Variants in KIF13B observed in about 807,000 individuals in gnomAD.
The protein encoded by KIF13B is kinesin-like protein KIF13B.
KIF13B carries 127 observed loss-of-function variants against 222.0 expected under a neutral mutation model. That is an observed-to-expected ratio of 0.57 (90% CI 0.50 to 0.66). The LOEUF is 0.66. KIF13B is among the 30% of genes least tolerant of loss of function. The pLI is 0.00. For synonymous variants in KIF13B, 976 were observed against 919.0 expected, an observed-to-expected ratio of 1.06 and a Z score of -1.12; for missense variants, 2,173 against 2,379.0, an observed-to-expected ratio of 0.91 and a Z score of 1.80.
At chr8:29,237,993 A>G (rs1209999628) in intron 2 of KIF13B, among the ~76,000 whole-genome samples, 4 of 152,226 alleles carry the variant, frequency 2.6e-5, no homozygotes, top group Non-Finnish European at 4.4e-5. Flanking sequence ...GAGCCCCATT[A>G]TGAAATTAAA....
chr8:29,152,608 A>C lies in KIF13B; in HGVS notation c.1536-2225T>G, dbSNP rs139883861. 3.3e-3 allele frequency among the ~76,000 whole-genome samples: 370 copies of C among 112,266 alleles called. 6 individuals carry two copies. The East Asian group carries it at 0.044, about 13-fold the overall frequency. The allele number at this position is 112,266 out of a possible 152,430, so 73.7% of individuals were successfully genotyped here. On this transcript the variant is annotated intron_variant, in intron 14 of 39. Coordinates refer to ENST00000524189, the MANE Select transcript of KIF13B (RefSeq NM_015254.4). ...GTGATTTTTTAGCAACAGAGTTTTA[A>C]TTAAAAAAAAATTTTTTTTGAGACA...
chr8:29,195,978 G>GT (rs1813401636), intron 3 of KIF13B, among the ~76,000 whole-genome samples: 1 of 152,244 alleles, frequency 6.6e-6, no homozygotes, highest in Non-Finnish European at 1.5e-5. Flanking sequence ...CCAGCCAGAA[G>GT]TGGTCAAAGT....
At chr8:29,126,821 G>T (rs770321173) in intron 25 of KIF13B, among the ~76,000 whole-genome samples, 1 of 152,182 alleles carries the variant, frequency 6.6e-6, no homozygotes, top group African/African-American at 2.4e-5. Flanking sequence ...TTACAAGCCA[G>T]TAGGGGGTTT....
chr8:29,203,631 G>A (rs920047249), intron 2 of KIF13B, among the ~76,000 whole-genome samples: 10 of 152,086 alleles, frequency 6.6e-5, no homozygotes, highest in African/African-American at 9.7e-5. Flanking sequence ...GGTGGCTCAC[G>A]CCTGTAATCC....
Position 29,245,424 on chromosome 8 carries a change from G to A in KIF13B, c.71C>T (p.Thr24Ile). 6.3e-7 allele frequency: 1 copy of A among 1,597,832 alleles called. No individual in the cohort carries two copies. ...PMNRRETDLH[T>I]KCVVDVDANK... ...TGCATCCACATCCACCACACATTTG[G>A]TATGCAAGTCAGTCTCTGTGGATAA... is the stretch of plus-strand genomic sequence containing the variant. Residue 24 changes from threonine to isoleucine, a missense_variant, in exon 2 of 40, where the codon ACC becomes ATC. This residue lies in a region of KIF13B where 1,480 missense variants were observed against 1,722.8 expected (regional missense o/e 0.86). Transcript: ENST00000524189.
rs367772924 is a variant in KIF13B at position 29,072,192 on chromosome 8, G to A, written c.4646C>T (p.Pro1549Leu). 4.7e-5 allele frequency: 68 copies of A among 1,446,798 alleles called. No individual in the cohort carries two copies. Among genetic ancestry groups the A allele is most frequent in the Non-Finnish European group, 5.5e-5 (61 of 1,101,120 alleles). The allele number at this position is 1,446,798 out of a possible 1,614,324, so 89.6% of individuals were successfully genotyped here. The change falls in exon 39 of 40, where the codon CCG becomes CTG. Residue 1549 changes from proline (P) to leucine (L), a missense_variant. By Grantham distance (98) the Pro-to-Leu change is moderately conservative. Transcript: ENST00000524189. ...GGGCCCGTCCTGTGCCTCCGGAGCCGGGGTGACCGCTGTGACAGCTATGAC... is the reference window on the plus strand; with the variant it reads ...GGGCCCGTCCTGTGCCTCCGGAGCCAGGGTGACCGCTGTGACAGCTATGAC... ...PPVIAVTAVT[P>L]APEAQDGPPS...
intron 2 of KIF13B, among the ~76,000 whole-genome samples, chr8:29,223,882 G>A (rs200959389): frequency 2.7e-5 from 4 of 149,558 alleles, no homozygotes; most frequent in East Asian, 2.0e-4. Flanking sequence ...TAGTAGAGAC[G>A]GGGTTTCACT....
In KIF13B at chr8:29,155,854, T is replaced by G; in HGVS notation, c.1407A>C (p.Glu469Asp). 1 of 1,570,382 alleles carries G rather than the reference T, an allele frequency of 6.4e-7. No individual in the cohort carries two copies. Among genetic ancestry groups the G allele is most frequent in the Non-Finnish European group, 8.7e-7 (1 of 1,155,442 alleles). The change falls in exon 14 of 40, where the codon GAA (glutamate) becomes GAC (aspartate). Residue 469 changes from glutamate to aspartate, a missense_variant and splice_region_variant. Transcript: ENST00000524189. ...LNELLVYYLK[E>D]HTLIGSANSQ... is the part of the protein sequence containing the mutation. ...AATTTGCTGACCCTATCAATGTATGTTCCTAAGAAAAAACCAAATTCACTG... is the reference window on the plus strand; with the variant it reads ...AATTTGCTGACCCTATCAATGTATGGTCCTAAGAAAAAACCAAATTCACTG...
At chr8:29,093,683 T>C (rs891730835) in intron 36 of KIF13B, among the ~76,000 whole-genome samples, 7 of 152,216 alleles carry the variant, frequency 4.6e-5, no homozygotes, top group African/African-American at 1.7e-4. Flanking sequence ...GCAATTCAGT[T>C]GGTAAATGGA....
intron 10 of KIF13B, among the ~76,000 whole-genome samples, chr8:29,172,376 C>T (rs553660005): frequency 2.1e-4 from 32 of 152,270 alleles, no homozygotes; most frequent in African/African-American, 7.7e-4. Flanking sequence ...GCCACCATGC[C>T]CAGCCAATCA....
At chr8:29,210,666 G>A (rs946023246) in intron 2 of KIF13B, among the ~76,000 whole-genome samples, 9 of 152,146 alleles carry the variant, frequency 5.9e-5, no homozygotes, top group Non-Finnish European at 1.0e-4. Flanking sequence ...TTTCCATGGT[G>A]ATTCAAAATA....
chr8:29,117,157 G>T, intron 30 of KIF13B, 150 bp from the exon 31 acceptor site: 1 of 557,910 alleles, frequency 1.8e-6, no homozygotes, highest in Non-Finnish European at 3.0e-6. Context: ...AGACAATGGA[G>T]TGTGACAGTG....
At chr8:29,249,860 C>A in intron 1 of KIF13B, 4 of 392,742 alleles carry the variant, frequency 1.0e-5, no homozygotes, top group South Asian at 4.1e-5. Flanking sequence ...TCTGTTCTAC[C>A]ATGGTCAACT....
At chr8:29,158,764 G>C (rs926220382) in intron 13 of KIF13B, among the ~76,000 whole-genome samples, 6 of 152,176 alleles carry the variant, frequency 3.9e-5, no homozygotes, top group African/African-American at 7.2e-5. Flanking sequence ...CACTGCCTCA[G>C]ACTTGGCCAA....
intron 12 of KIF13B, among the ~76,000 whole-genome samples, chr8:29,164,343 A>C (rs1459974053): frequency 1.3e-5 from 2 of 152,242 alleles, no homozygotes; most frequent in Non-Finnish European, 2.9e-5. Context: ...AGGAACAGTT[A>C]AAAACAACAG....
Position 29,135,759 on chromosome 8 carries a change from G to A in KIF13B, c.2614-1549C>T, listed in dbSNP as rs780302985. ...AAATTACAAAAATTAGCCAGATGTGGTGGCACATGCCTGTAGTCCCAGCTA... is the reference window on the plus strand; with the variant it reads ...AAATTACAAAAATTAGCCAGATGTGATGGCACATGCCTGTAGTCCCAGCTA... On this transcript the variant is annotated intron_variant, in intron 21 of 39. Transcript: ENST00000524189. Among the ~76,000 whole-genome samples the A allele has an allele frequency of 2.0e-5, 3 of 152,118 alleles. No homozygotes were observed. The South Asian group carries it at 6.2e-4, about 32-fold the overall frequency.
At position 29,262,988 on chromosome 8, in the gene KIF13B, T is replaced by G; in HGVS notation, c.47A>C (p.Asn16Thr). ...GAGGGCTCGGCTCTCACCTCGCCGG[T>G]TCATGGGTCGTATCCGCACCGCCAC... Reference protein sequence around the residue: ...VKVAVRIRPMNRRETDLHTKC... With the variant: ...VKVAVRIRPMTRRETDLHTKC... Residue 16 changes from asparagine to threonine, a missense_variant, in exon 1 of 40, where the codon AAC becomes ACC. Around this residue, in one of 2 missense-constraint regions of KIF13B, gnomAD observed 1,480 missense variants for 1,722.8 expected, o/e 0.86. Coordinates refer to ENST00000524189, the MANE Select transcript of KIF13B (RefSeq NM_015254.4). 1 of 1,589,458 alleles carries G rather than the reference T, an allele frequency of 6.3e-7. No individual in the cohort carries two copies. Among genetic ancestry groups the G allele is most frequent in the African/African-American group, 1.4e-5 (1 of 72,710 alleles).
chr8:29,230,186 C>A (rs1815223357), intron 2 of KIF13B, among the ~76,000 whole-genome samples: 1 of 152,130 alleles, frequency 6.6e-6, no homozygotes, highest in Non-Finnish European at 1.5e-5. Flanking sequence ...ATATAAACTT[C>A]CAGATTTACA....
intron 32 of KIF13B, among the ~76,000 whole-genome samples, chr8:29,113,006 G>A (rs1453702268): frequency 2.0e-5 from 3 of 152,200 alleles, no homozygotes; most frequent in Admixed American, 6.5e-5. Flanking sequence ...GGTACACATT[G>A]TCTCATTTGA....
Sources: allele counts gnomAD v4.1 joint callset (sites outside exome capture counted in the v4.1 genomes callset), GRCh38; gene constraint gnomAD v4.1.1; regional missense constraint gnomAD v4.1.1; transcripts MANE v1.5; gene names NCBI Gene and HGNC (gene_info 2026-07-23, HGNC 2026-07-21).